PIGN: variants seen among roughly 807,000 people sequenced by gnomAD.
PIGN encodes the protein GPI ethanolamine phosphate transferase 1.
A neutral mutation model predicts 125.4 loss-of-function variants in PIGN; 117 were observed. The observed-to-expected ratio is 0.93, with a 90% CI of 0.80 to 1.09. The LOEUF (loss-of-function observed/expected upper bound fraction) is 1.09. PIGN is among the 50% of genes least tolerant of loss of function. PIGN has a pLI of 0.00. For synonymous variants in PIGN, 392 were observed against 377.8 expected (o/e 1.04, Z -0.44); for missense variants, 1,075 against 1,094.9 (o/e 0.98, Z 0.26).
chr18:62,143,582 T>C (rs1361546162), intron 10 of PIGN, among the ~76,000 whole-genome samples: 1 of 152,160 alleles, frequency 6.6e-6, no homozygotes. Context: ...GCTTCTTAAA[T>C]GTTTACTGGG....
chr18:62,135,720 T>C (rs1001494373), intron 14 of PIGN: 9 of 146,704 alleles, frequency 6.1e-5, no homozygotes, highest in African/African-American at 2.3e-4. Flanking sequence ...TCTGCCTCTC[T>C]GGTTCAAGTG....
At chr18:62,106,015 A>G (rs746093659) in intron 19 of PIGN, among the ~76,000 whole-genome samples, 5 of 152,214 alleles carry the variant, frequency 3.3e-5, no homozygotes, top group Non-Finnish European at 7.4e-5. Context: ...CAGTATTTAA[A>G]CCTGCATAAA....
intron 23 of PIGN, among the ~76,000 whole-genome samples, chr18:62,030,046 G>T (rs1315731251): frequency 6.6e-6 from 1 of 152,208 alleles, no homozygotes; most frequent in South Asian, 2.1e-4. Context: ...TCAGACTCCA[G>T]TGAGTTTGGT....
At chr18:62,125,511 T>C (rs997311738) in intron 14 of PIGN, among the ~76,000 whole-genome samples, 2 of 152,166 alleles carry the variant, frequency 1.3e-5, no homozygotes, top group East Asian at 3.9e-4. Flanking sequence ...CAAAGACTTT[T>C]TCACATTCAC....
chr18:62,087,063 G>A (rs1222629655), intron 25 of PIGN, among the ~76,000 whole-genome samples: 1 of 152,142 alleles, frequency 6.6e-6, no homozygotes, highest in Non-Finnish European at 1.5e-5. Context: ...GTCACGAAAG[G>A]GGTCAAGTTT....
At chr18:62,140,565 TA>T in intron 11 of PIGN, 86 bp from the exon 12 acceptor site, 1 of 656,564 alleles carries the variant, frequency 1.5e-6, no homozygotes, top group Non-Finnish European at 2.7e-6. Context: ...TTTTGGAAAA[TA>T]ACCATGATAT....
chr18:62,031,026 A>G (rs1181735206), intron 23 of PIGN, among the ~76,000 whole-genome samples: 1 of 152,156 alleles, frequency 6.6e-6, no homozygotes, highest in Non-Finnish European at 1.5e-5. Context: ...ACATATTGGT[A>G]TGGTTTTGCT....
intron 14 of PIGN, chr18:62,137,875 GTTC>G (rs1327031054): frequency 1.6e-5 from 3 of 182,780 alleles, no homozygotes; most frequent in South Asian, 1.5e-4. Context: ...TCCTGAACTA[GTTC>G]TTCTTTCAAA....
chr18:62,085,000 C>T (rs1445254656), intron 26 of PIGN, among the ~76,000 whole-genome samples: 1 of 151,868 alleles, frequency 6.6e-6, no homozygotes, highest in African/African-American at 2.4e-5. Context: ...CCCAGCTACT[C>T]GGGAGGCTGA....
chr18:62,106,449 C>T (rs2034643040), intron 19 of PIGN, among the ~76,000 whole-genome samples: 1 of 152,038 alleles, frequency 6.6e-6, no homozygotes, highest in Non-Finnish European at 1.5e-5. Flanking sequence ...AGTGCAGACC[C>T]CTAAGCCACT....
intron 28 of PIGN, chr18:62,075,196 A>G (rs1334984457): frequency 1.1e-5 from 2 of 181,236 alleles, no homozygotes; most frequent in African/African-American, 4.8e-5. Flanking sequence ...ACCATAGTAT[A>G]ATATCCCAAG....
chr18:62,030,199 A>T (rs1231979523), intron 23 of PIGN, among the ~76,000 whole-genome samples: 1 of 152,186 alleles, frequency 6.6e-6, no homozygotes, highest in Non-Finnish European at 1.5e-5. Flanking sequence ...AGAAGGCTTC[A>T]CTCTGAGATG....
At position 62,062,882 on chromosome 18, in the gene PIGN, C is replaced by CTT. The variant is rs71160811; in HGVS notation, c.2672+9789_2672+9790dup. Among the ~76,000 whole-genome samples the CTT allele has an allele frequency of 1.0e-3, 21 of 21,066 alleles. 1 individual carries two copies. The highest frequency in any genetic ancestry group is 1.7e-3 in the African/African-American group (7 of 4,110). The allele number at this position is 21,066 out of a possible 152,430, so 13.8% of individuals were successfully genotyped here. A position where few individuals can be genotyped will look rare whatever the true frequency, so the allele number is the denominator to read the frequency against. On this transcript the variant is annotated intron_variant, in intron 30 of 30. Coordinates refer to ENST00000640252, the MANE Select transcript of PIGN (RefSeq NM_176787.5). ...ATTTGTTTTATGCTTTTGTATTCTG[C>CTT]TTTTTTTTTTTTTTTTTTTTTTTTT...
In PIGN at chr18:62,172,189, G is replaced by A. The variant is rs139107956; in HGVS notation, c.-235-8533C>T. ...TCTATTACTTCTTAAGTAAGCTTTC[G>A]TAGTTTTTAAGGAATTTATCCATTT... On this transcript the variant is annotated intron_variant, in intron 1 of 30. Coordinates refer to ENST00000640252, the MANE Select transcript of PIGN (RefSeq NM_176787.5). Among the ~76,000 whole-genome samples the A allele has an allele frequency of 3.9e-5, 6 of 152,072 alleles. No homozygotes were observed. The South Asian group carries it at 8.3e-4, about 21-fold the overall frequency.
At chr18:62,108,597 A>ATT (rs5825477) in intron 17 of PIGN, among the ~76,000 whole-genome samples, 8 of 149,016 alleles carry the variant, frequency 5.4e-5, no homozygotes, top group Non-Finnish European at 7.4e-5. Context: ...TTTTAAGTTA[A>ATT]TTTTTTTTTT....
At chr18:62,160,768 C>T (rs1039617311) in intron 4 of PIGN, among the ~76,000 whole-genome samples, 84 of 152,144 alleles carry the variant, frequency 5.5e-4, no homozygotes, top group African/African-American at 2.0e-3. Flanking sequence ...CTCAGCCTCC[C>T]AAAGTGCTGG....
intron 12 of PIGN, among the ~76,000 whole-genome samples, chr18:62,140,074 A>G (rs554034102): frequency 2.5e-4 from 38 of 152,368 alleles, no homozygotes; most frequent in African/African-American, 9.1e-4. Context: ...TAAAATATTT[A>G]AAGAAAAGCT....
At chr18:62,126,202 C>T (rs1272602355) in intron 14 of PIGN, among the ~76,000 whole-genome samples, 4 of 151,990 alleles carry the variant, frequency 2.6e-5, no homozygotes, top group African/African-American at 7.2e-5. Context: ...TAAGACTTCA[C>T]CTGTTTGTCC....
intron 30 of PIGN, chr18:62,052,523 A>AC (rs2031393960): frequency 7.1e-6 from 1 of 140,114 alleles, no homozygotes; most frequent in African/African-American, 2.7e-5. Flanking sequence ...TAGGATTGCA[A>AC]CCCCTGCCTT....
Sources: gnomAD v4.1 joint callset for allele counts (sites outside exome capture counted in the v4.1 genomes callset) on GRCh38, gnomAD v4.1.1 for gene constraint, MANE v1.5 for transcripts, NCBI Gene and HGNC (gene_info 2026-07-23, HGNC 2026-07-21) for gene names.